SCGB2B2: variants seen among roughly 807,000 people sequenced by gnomAD.
SCGB2B2 encodes the protein secretoglobin family 2B member 2, also known as secretoglobin-like protein.
A neutral mutation model predicts 7.6 loss-of-function variants in SCGB2B2; 11 were observed. The observed-to-expected ratio is 1.45, with a 90% confidence interval of 0.91 to 2.40. The LOEUF is 2.40. Among genes scored for constraint, SCGB2B2 ranks in the 30% most tolerant of loss-of-function variants. The probability of loss-of-function intolerance (pLI) is 0.00; values close to 1 mark genes in which losing one functional copy is unlikely to be tolerated. For synonymous variants in SCGB2B2, 50 were observed against 48.6 expected (o/e 1.03, Z -0.12); for missense variants, 104 against 115.4 (o/e 0.90, Z 0.45).
At chr19:34,621,222 C>G (rs73040226) in intron 1 of SCGB2B2, among the ~76,000 whole-genome samples, 13,187 of 152,084 alleles carry the variant, frequency 0.087, 713 homozygotes, top group East Asian at 0.28. Flanking sequence ...CAGAAGAAAA[C>G]CCAGCAGTTG....
At chr19:34,602,506 C>G (rs1040408931) in intron 1 of SCGB2B2, among the ~76,000 whole-genome samples, 1 of 152,100 alleles carries the variant, frequency 6.6e-6, no homozygotes. Context: ...TACCCCAGAA[C>G]ATGGCCTTTT....
intron 1 of SCGB2B2, among the ~76,000 whole-genome samples, chr19:34,643,900 T>C (rs2066915391): frequency 6.6e-6 from 1 of 150,812 alleles, no homozygotes; most frequent in Non-Finnish European, 1.5e-5. Context: ...GTCAGAAAGT[T>C]AAGCAGAAAA....
chr19:34,590,414 C>T (rs945379050), downstream of SCGB2B2, among the ~76,000 whole-genome samples: 1 of 148,362 alleles, frequency 6.7e-6, no homozygotes, highest in African/African-American at 2.4e-5. Context: ...TTCATCCATC[C>T]ATCCATCATC....
intron 1 of SCGB2B2, among the ~76,000 whole-genome samples, chr19:34,610,557 T>C (rs367965100): frequency 1.1e-4 from 16 of 152,300 alleles, no homozygotes; most frequent in African/African-American, 3.8e-4. Context: ...TCTGTGTCTA[T>C]TTATATGATC....
chr19:34,648,058 A>G (rs930036307), intron 1 of SCGB2B2, among the ~76,000 whole-genome samples: 1 of 152,118 alleles, frequency 6.6e-6, no homozygotes, highest in Non-Finnish European at 1.5e-5. Context: ...ATGCGATGCC[A>G]CTCCTGAGAG....
At chr19:34,643,259 C>A (rs1334107257) in intron 1 of SCGB2B2, among the ~76,000 whole-genome samples, 2 of 152,146 alleles carry the variant, frequency 1.3e-5, no homozygotes, top group East Asian at 3.8e-4. Context: ...GAAATCATGT[C>A]TTTTGCAGCA....
intron 1 of SCGB2B2, among the ~76,000 whole-genome samples, chr19:34,640,842 TTA>T (rs1406596868): frequency 2.6e-5 from 4 of 152,144 alleles, no homozygotes; most frequent in African/African-American, 4.8e-5. Context: ...CTCTTTATTA[TTA>T]TTTTTTTCCA....
At position 34,594,568 on chromosome 19, in the gene SCGB2B2, G is replaced by A. The variant is rs1229043996; in HGVS notation, c.-5C>T. ...GGTGGCGGATGTCACCCTCATGACA[G>A]CGGAGTCTGGTCCCAGCAGGCACAG... On this transcript the variant is annotated 5_prime_UTR_variant, in exon 2 of 4. Coordinates refer to ENST00000601241, the MANE Select transcript of SCGB2B2 (RefSeq NM_001025591.4). The A allele has an allele frequency of 1.9e-6, 3 of 1,612,230 alleles. No individual in the cohort carries two copies. The highest frequency in any genetic ancestry group is 2.2e-5 in the East Asian group (1 of 44,884).
At chr19:34,634,371 G>A (rs2066617457) in intron 1 of SCGB2B2, among the ~76,000 whole-genome samples, 1 of 152,146 alleles carries the variant, frequency 6.6e-6, no homozygotes, top group Non-Finnish European at 1.5e-5. Context: ...AGCTGGTAGA[G>A]GTGAAATGGC....
intron 1 of SCGB2B2, among the ~76,000 whole-genome samples, chr19:34,620,675 G>T (rs1026529942): frequency 6.6e-6 from 1 of 152,188 alleles, no homozygotes; most frequent in Non-Finnish European, 1.5e-5. Context: ...ATTTTAAAAA[G>T]TCAGATGAAT....
intron 1 of SCGB2B2, among the ~76,000 whole-genome samples, chr19:34,660,343 A>G (rs1238505932): frequency 6.6e-6 from 1 of 152,244 alleles, no homozygotes; most frequent in Non-Finnish European, 1.5e-5. Context: ...CAGAGTGAAC[A>G]AGCAACCTAC....
At chr19:34,665,767 C>A (rs556773694) in intron 1 of SCGB2B2, among the ~76,000 whole-genome samples, 1 of 152,140 alleles carries the variant, frequency 6.6e-6, no homozygotes, top group African/African-American at 2.4e-5. Context: ...CCTCCCAGGA[C>A]AAAGCAGGTC....
chr19:34,661,739 G>T (rs1186122656), intron 1 of SCGB2B2, among the ~76,000 whole-genome samples: 1 of 152,166 alleles, frequency 6.6e-6, no homozygotes, highest in Non-Finnish European at 1.5e-5. Context: ...CCAACCTGCG[G>T]CCTGCAGGCC....
At chr19:34,630,364 T>C (rs2145943466) in intron 1 of SCGB2B2, among the ~76,000 whole-genome samples, 1 of 151,934 alleles carries the variant, frequency 6.6e-6, no homozygotes, top group South Asian at 2.1e-4. Context: ...AATCTACTCA[T>C]CTGACAAAGG....
rs1555743609 is a variant in SCGB2B2 at position 34,594,700 on chromosome 19, T to TGTGA, written c.-141_-138dup. On this transcript the variant is annotated 5_prime_UTR_variant, in exon 2 of 4. An upstream open reading frame in the 5' UTR loses its in-frame stop. Transcript: ENST00000601241. Reference sequence around the variant, plus strand: ...GTGTGTGTGTGTGTGTGTGTGTGTGTGTGAATGTGGTCAGGGCAGGTCTGC... The same window carrying TGTGA: ...GTGTGTGTGTGTGTGTGTGTGTGTGTGTGAGTGAATGTGGTCAGGGCAGGTCTGC... 9.9e-6 allele frequency: 6 copies of TGTGA among 605,524 alleles called. No individual in the cohort carries two copies. The African/African-American group carries it at 1.3e-4, about 13-fold the overall frequency. The allele number at this position is 605,524 out of a possible 1,614,324, so 37.5% of individuals were successfully genotyped here.
chr19:34,629,162 C>A (rs893387712), intron 1 of SCGB2B2, among the ~76,000 whole-genome samples: 1 of 151,966 alleles, frequency 6.6e-6, no homozygotes, highest in Non-Finnish European at 1.5e-5. Flanking sequence ...CAGCCAATAT[C>A]ATACTGAATG....
intron 1 of SCGB2B2, among the ~76,000 whole-genome samples, chr19:34,662,552 T>C (rs12986415): frequency 0.098 from 14,835 of 151,684 alleles, 873 homozygotes; most frequent in Middle Eastern, 0.23. Flanking sequence ...AAGTATAACA[T>C]TGATAAATTT....
intron 1 of SCGB2B2, among the ~76,000 whole-genome samples, chr19:34,625,578 G>A (rs1392023697): frequency 6.6e-6 from 1 of 152,170 alleles, no homozygotes; most frequent in Non-Finnish European, 1.5e-5. Flanking sequence ...GGGGAGGGGC[G>A]CCTGCCATTG....
chr19:34,602,530 T>C (rs2065655572), intron 1 of SCGB2B2, among the ~76,000 whole-genome samples: 1 of 152,210 alleles, frequency 6.6e-6, no homozygotes. Flanking sequence ...GATTGCATCA[T>C]TCGGCTACGT....
Sources: allele counts gnomAD v4.1 joint callset (sites outside exome capture counted in the v4.1 genomes callset), GRCh38; gene constraint gnomAD v4.1.1; transcripts MANE v1.5; gene names NCBI Gene and HGNC (gene_info 2026-07-23, HGNC 2026-07-21).